The following SLC45A4 variants were observed in gnomAD, a reference collection of about 807,000 sequenced individuals.
SLC45A4 encodes the protein solute carrier family 45 member 4, also known as polyamine-transporter SLC45A4.
Under a neutral mutation model 63.7 loss-of-function variants are expected in SLC45A4, and 32 were observed. That is an observed-to-expected ratio of 0.50 (90% CI 0.38 to 0.67). The LOEUF (loss-of-function observed/expected upper bound fraction) is 0.67, where lower values mean the gene tolerates loss of function less well. Ranked by LOEUF, SLC45A4 falls within the 30% of genes least tolerant of loss-of-function variation. The pLI is 0.00. For synonymous variants in SLC45A4, 535 were observed against 510.0 expected (o/e 1.05, Z -0.66); for missense variants, 1,027 against 1,157.7 (o/e 0.89, Z 1.64).
At chr8:141,303,831 C>T (rs1038150216) in intron 1 of SLC45A4, among the ~76,000 whole-genome samples, 1 of 152,218 alleles carries the variant, frequency 6.6e-6, no homozygotes, top group African/African-American at 2.4e-5. Context: ...AGTACCGAGA[C>T]CCAGGTCTGA....
intron 1 of SLC45A4, among the ~76,000 whole-genome samples, chr8:141,277,710 G>A (rs1390773083): frequency 6.6e-6 from 1 of 151,964 alleles, no homozygotes; most frequent in Non-Finnish European, 1.5e-5. Flanking sequence ...GGCGATCTCG[G>A]CTCACTGCAA....
chr8:141,219,351 G>A (rs1826433205), intron 4 of SLC45A4, among the ~76,000 whole-genome samples: 1 of 152,234 alleles, frequency 6.6e-6, no homozygotes, highest in African/African-American at 2.4e-5. Flanking sequence ...TGGGAGTACT[G>A]CCCTGCTGGA....
chr8:141,298,040 C>G (rs62524210), intron 1 of SLC45A4, among the ~76,000 whole-genome samples: 152,320 of 152,320 alleles, frequency 1, 76,160 homozygotes, highest in Non-Finnish European at 1. Flanking sequence ...ACCTGCTGTG[C>G]GACAGCCCTG....
At chr8:141,217,029 G>A in intron 6 of SLC45A4, 61 bp downstream of exon 6, 1 of 1,537,970 alleles carries the variant, frequency 6.5e-7, no homozygotes, top group Non-Finnish European at 9.0e-7. Flanking sequence ...TCTCTCGTCT[G>A]CATTTCTAAT....
At chr8:141,260,569 C>G (rs1190090305) in intron 1 of SLC45A4, among the ~76,000 whole-genome samples, 1 of 152,148 alleles carries the variant, frequency 6.6e-6, no homozygotes, top group African/African-American at 2.4e-5. Context: ...TCTGTAAGCA[C>G]TTTAGGGGAA....
At position 141,215,906 on chromosome 8, in the gene SLC45A4, C is replaced by A. The variant is rs759950135; in HGVS notation, c.1794G>T (p.Thr598=). The stretch of plus-strand genomic sequence containing the variant: ...CGGCTGTGCCGACAGAGAAGCCCAG[C>A]GTCCCCAGCACGTAGATCACCCTGA... ...LSVRVIYVLG[T]LGFSVGTAVM... is the part of the protein sequence containing the mutation. Residue 598 remains threonine, a synonymous_variant, in exon 7 of 9, where the codon ACG becomes ACT. Transcript: ENST00000517878. The surrounding 1 kb of genome is among the most constrained non-coding windows in gnomAD (Gnocchi z 4.3). The A allele has an allele frequency of 2.5e-6, 4 of 1,614,104 alleles. No homozygotes were observed. The highest frequency in any genetic ancestry group is 2.2e-5 in the South Asian group (2 of 91,086).
rs1352361318 is a variant in SLC45A4 at position 141,215,248 on chromosome 8, G to A, written c.1941+511C>T. Among the ~76,000 whole-genome samples, 3 of 152,232 alleles carry A rather than the reference G, an allele frequency of 2.0e-5. No homozygotes were observed. The highest frequency in any genetic ancestry group is 4.4e-5 in the Non-Finnish European group (3 of 68,044). On this transcript the variant is annotated intron_variant, in intron 7 of 8. Coordinates refer to ENST00000517878, the MANE Select transcript of SLC45A4 (RefSeq NM_001286646.2). The surrounding 1 kb of genome is among the most constrained non-coding windows in gnomAD (Gnocchi z 4.3). ...GTAACATACACACAATTTCAACGAT[G>A]AGCAAGAGTGTAAGGTATCTCGATG...
At chr8:141,231,541 G>A (rs997550223) in intron 2 of SLC45A4, among the ~76,000 whole-genome samples, 2 of 152,232 alleles carry the variant, frequency 1.3e-5, no homozygotes, top group Non-Finnish European at 2.9e-5. Context: ...GCCACGTGGG[G>A]GAGCACCCAG....
At chr8:141,226,664 G>A (rs1589782043) in intron 2 of SLC45A4, 1 of 152,530 alleles carries the variant, frequency 6.6e-6, no homozygotes, top group East Asian at 1.9e-4. Flanking sequence ...GCCGAGGATG[G>A]AGAGACAGGC....
intron 2 of SLC45A4, among the ~76,000 whole-genome samples, chr8:141,234,906 G>A (rs1465131682): frequency 6.6e-6 from 1 of 152,226 alleles, no homozygotes. Context: ...TGGAACGGCT[G>A]TCCCCCTTGG....
At chr8:141,230,478 G>A (rs1785718072) in intron 2 of SLC45A4, 2 of 193,388 alleles carry the variant, frequency 1.0e-5, no homozygotes, top group Admixed American at 5.8e-5. Flanking sequence ...CCGGAGAGGG[G>A]TCCTGAGACA....
chr8:141,264,922 A>T (rs552847052), intron 1 of SLC45A4, among the ~76,000 whole-genome samples: 1 of 152,354 alleles, frequency 6.6e-6, no homozygotes, highest in Admixed American at 6.5e-5. Flanking sequence ...ATTCCTATCA[A>T]GACAGAACCC....
chr8:141,212,325 C>CAT lies in SLC45A4; in HGVS notation c.2172_2173insAT (p.Glu725MetfsTer27). ...GGGGAAGACAGGCCTTTCTGCTCCT[C>CAT]CTTGGCCTCCTCTGACACGTTGGGA... On this transcript the variant is annotated frameshift_variant, in exon 8 of 9. Transcript: ENST00000517878. LOFTEE classifies it high-confidence loss of function. 1 of 1,612,758 alleles carries CAT rather than the reference C, an allele frequency of 6.2e-7. No individual in the cohort carries two copies. Among genetic ancestry groups the CAT allele is most frequent in the Non-Finnish European group, 8.5e-7 (1 of 1,179,388 alleles).
chr8:141,290,627 G>A (rs1353786615), intron 1 of SLC45A4, among the ~76,000 whole-genome samples: 1 of 152,124 alleles, frequency 6.6e-6, no homozygotes, highest in Non-Finnish European at 1.5e-5. Flanking sequence ...GCCACCCTTG[G>A]GATTTATCTC....
At chr8:141,307,543 AGG>A (rs1394675611) in intron 1 of SLC45A4, among the ~76,000 whole-genome samples, 1 of 151,776 alleles carries the variant, frequency 6.6e-6, no homozygotes, top group Admixed American at 6.6e-5. Flanking sequence ...AAGGGGAAGA[AGG>A]GGAAGAAGGG....
chr8:141,259,236 A>C (rs1828946057), intron 1 of SLC45A4, among the ~76,000 whole-genome samples: 1 of 152,248 alleles, frequency 6.6e-6, no homozygotes, highest in Admixed American at 6.5e-5. Flanking sequence ...GGTCAGGGCA[A>C]GCCGCCAGAC....
rs188787991 is a variant in SLC45A4 at position 141,272,747 on chromosome 8, C to T, written c.-400-18118G>A. On this transcript the variant is annotated intron_variant, in intron 1 of 8. Coordinates refer to ENST00000517878, the MANE Select transcript of SLC45A4 (RefSeq NM_001286646.2). ...GCACACTGGTCAAACAGCCTCCTCG[C>T]CAGCGCTGCCTGGAGCCGAGTTCCA... 2.6e-5 allele frequency among the ~76,000 whole-genome samples: 4 copies of T among 152,286 alleles called. No individual in the cohort carries two copies. In the East Asian group the frequency reaches 5.8e-4, roughly 22 times the overall value.
At chr8:141,272,596 C>T (rs545062297) in intron 1 of SLC45A4, among the ~76,000 whole-genome samples, 61 of 152,348 alleles carry the variant, frequency 4.0e-4, no homozygotes, top group Admixed American at 2.8e-3. Context: ...CAAACCCTTC[C>T]GGAGAGCCTG....
intron 7 of SLC45A4, among the ~76,000 whole-genome samples, chr8:141,212,929 G>A (rs1179871552): frequency 2.0e-5 from 3 of 152,240 alleles, no homozygotes; most frequent in Non-Finnish European, 4.4e-5. Context: ...GGGGTGCTGT[G>A]AGCCCAGGTT....
Sources: allele counts gnomAD v4.1 joint callset (sites outside exome capture counted in the v4.1 genomes callset), GRCh38; gene constraint gnomAD v4.1.1; non-coding constraint Gnocchi (gnomAD v3.1); transcripts MANE v1.5; gene names NCBI Gene and HGNC (gene_info 2026-07-23, HGNC 2026-07-21).